Variants in DCTN1 observed in about 807,000 individuals in gnomAD.
DCTN1 encodes 150 kDa dynein-associated polypeptide.
In DCTN1, 61 loss-of-function variants were observed where a neutral mutation model predicts 161.2. The ratio of observed to expected loss-of-function variants is 0.38; its 90% confidence interval spans 0.31 to 0.47. The LOEUF (loss-of-function observed/expected upper bound fraction) is 0.47. Ranked by LOEUF, DCTN1 falls within the 20% of genes least tolerant of loss-of-function variation. The probability of loss-of-function intolerance (pLI) is 0.99; values close to 1 mark genes in which losing one functional copy is unlikely to be tolerated. For missense variants in DCTN1, 1,404 were observed against 1,623.7 expected (o/e 0.86, Z 2.33); for synonymous variants, 653 against 632.4 (o/e 1.03, Z -0.49).
chr2:74,363,988 G>C, intron 26 of DCTN1: 1 of 378,468 alleles, frequency 2.6e-6, no homozygotes, highest in Non-Finnish European at 5.0e-6. Context: ...ACCCCAATAT[G>C]TCTGCACCCT....
chr2:74,365,002 G>A (rs902152588), intron 26 of DCTN1, 73 bp downstream of exon 26: 2 of 1,601,084 alleles, frequency 1.2e-6, no homozygotes, highest in African/African-American at 2.7e-5. Flanking sequence ...TGGGGCAGAG[G>A]TCAAAATGAG....
intron 30 of DCTN1, 55 bp downstream of exon 30, chr2:74,362,595 C>G: frequency 6.3e-7 from 1 of 1,579,472 alleles, no homozygotes; most frequent in Non-Finnish European, 8.6e-7. Flanking sequence ...CCACAAGTGC[C>G]TGGCTCCACC....
At chr2:74,374,429 G>A (rs1209390116) in intron 5 of DCTN1, 89 bp from the exon 6 acceptor site, 14 of 1,596,792 alleles carry the variant, frequency 8.8e-6, no homozygotes, top group Middle Eastern at 1.7e-4. Context: ...AGGAAGGACA[G>A]ACGAAGGGAG....
At chr2:74,374,440 G>A in intron 5 of DCTN1, 100 bp from the exon 6 acceptor site, 4 of 1,588,750 alleles carry the variant, frequency 2.5e-6, no homozygotes, top group South Asian at 2.3e-5. Context: ...ACGAAGGGAG[G>A]GAGGGCAAGA....
intron 26 of DCTN1, chr2:74,363,995 C>T (rs1041777040): frequency 2.9e-6 from 1 of 340,494 alleles, no homozygotes; most frequent in South Asian, 3.3e-5. Context: ...TATGTCTGCA[C>T]CCTTAGTGCT....
At position 74,366,285 on chromosome 2, in the gene DCTN1, T is replaced by A; in HGVS notation, c.2719A>T (p.Met907Leu). The change falls in exon 23 of 32, where the codon ATG (methionine) becomes TTG (leucine). Residue 907 changes from methionine to leucine, a missense_variant. By Grantham distance (15) the Met-to-Leu change is conservative. Around this residue, in one of 9 missense-constraint regions of DCTN1, gnomAD observed 475 missense variants for 489.8 expected, o/e 0.97. Transcript: ENST00000628224. ...TCTGCATCATACTCCCCCTCCTGCA[T>A]GGCTGTGGCCAGCTTGTTCATGGTA... is the stretch of plus-strand genomic sequence containing the variant. ...ISTMNKLATA[M>L]QEGEYDAERP... The A allele has an allele frequency of 1.2e-6, 2 of 1,614,234 alleles. No homozygotes were observed. Among genetic ancestry groups the A allele is most frequent in the East Asian group, 2.2e-5 (1 of 44,882 alleles).
At position 74,366,769 on chromosome 2, in the gene DCTN1, T is replaced by C. The variant is rs998461578; in HGVS notation, c.2466+14A>G. On this transcript the variant is annotated intron_variant, in intron 21 of 31. Coordinates refer to ENST00000628224, the MANE Select transcript of DCTN1 (RefSeq NM_004082.5). The stretch of plus-strand genomic sequence containing the variant: ...TACTCAGTTTCCTTCCCTTCCCCAG[T>C]TGCAGCCTTAAACCTGTGGTCCAAA... 1 of 1,614,254 alleles carries C rather than the reference T, an allele frequency of 6.2e-7. No individual in the cohort carries two copies.
intron 1 of DCTN1, among the ~76,000 whole-genome samples, chr2:74,389,231 G>A (rs1236053205): frequency 6.6e-6 from 1 of 152,104 alleles, no homozygotes; most frequent in African/African-American, 2.4e-5. Flanking sequence ...AATCTCAAAA[G>A]GAAAATGATA....
intron 24 of DCTN1, 112 bp from the exon 25 acceptor site, chr2:74,365,769 G>A (rs1674360948): frequency 5.0e-6 from 8 of 1,610,284 alleles, no homozygotes; most frequent in Non-Finnish European, 6.8e-6. Context: ...AGCTCCCATT[G>A]ATTGCAGGCC....
chr2:74,378,264 CACAG>C lies in DCTN1; in HGVS notation c.34-23_34-20del, dbSNP rs755075827. On this transcript the variant is annotated intron_variant, in intron 1 of 31. Transcript: ENST00000628224. ...TGGGCGTCTGAAAGACACAGGTAAA[CACAG>C]ACAGTTAGAGGCCTCAGATCAAAGG... The C allele has an allele frequency of 5.6e-6, 9 of 1,603,080 alleles. No individual in the cohort carries two copies. The South Asian group carries it at 6.6e-5, about 12-fold the overall frequency.
chr2:74,381,844 G>C (rs554660015), upstream of DCTN1, among the ~76,000 whole-genome samples: 1 of 152,310 alleles, frequency 6.6e-6, no homozygotes, highest in East Asian at 1.9e-4. Flanking sequence ...AAAGCATCCA[G>C]GACACCGCCT....
upstream of DCTN1, among the ~76,000 whole-genome samples, chr2:74,381,837 G>A (rs1488314668): frequency 2.0e-5 from 3 of 152,320 alleles, no homozygotes. Flanking sequence ...TCCAAACAAA[G>A]CATCCAGGAC....
At chr2:74,373,501 A>T in intron 6 of DCTN1, 1 of 177,552 alleles carries the variant, frequency 5.6e-6, no homozygotes, top group Non-Finnish European at 1.2e-5. Context: ...CCCTCCCCCA[A>T]CCCCCTTCCC....
At chr2:74,388,332 T>C (rs373548223) in intron 1 of DCTN1, among the ~76,000 whole-genome samples, 13 of 152,174 alleles carry the variant, frequency 8.5e-5, no homozygotes, top group African/African-American at 3.1e-4. Context: ...TGTCTGTGAA[T>C]AGCCACTGCA....
Position 74,362,068 on chromosome 2 carries a change from G to A in DCTN1, c.3683C>T (p.Ser1228Leu). ...CCCCCTCACCCTGAGGAAGGCTGATGAAGGGAAGGTGGCAAAGTCAGTGGG... is the reference window on the plus strand; with the variant it reads ...CCCCCTCACCCTGAGGAAGGCTGATAAAGGGAAGGTGGCAAAGTCAGTGGG... ...TVPTDFATFP[S>L]SAFLRAKEEQ... Residue 1228 changes from serine to leucine, a missense_variant, in exon 31 of 32, where the codon TCA becomes TTA. By Grantham distance (145) the Ser-to-Leu change is moderately radical (BLOSUM62 -2). Transcript: ENST00000628224. 1 of 1,613,858 alleles carries A rather than the reference G, an allele frequency of 6.2e-7. No homozygotes were observed. Among genetic ancestry groups the A allele is most frequent in the East Asian group, 2.2e-5 (1 of 44,852 alleles).
chr2:74,362,440 A>C (rs532316383), intron 30 of DCTN1, among the ~76,000 whole-genome samples: 2 of 152,140 alleles, frequency 1.3e-5, no homozygotes, highest in Admixed American at 1.3e-4. Context: ...CAGTCACTCT[A>C]AAGATTACCC....
intron 1 of DCTN1, among the ~76,000 whole-genome samples, chr2:74,390,047 G>A (rs1675923414): frequency 1.3e-5 from 2 of 152,068 alleles, no homozygotes; most frequent in Non-Finnish European, 2.9e-5. Flanking sequence ...GGATTCAACA[G>A]ATGCAGTCCC....
intron 7 of DCTN1, chr2:74,371,994 TA>T (rs1476731964): frequency 4.4e-6 from 2 of 459,740 alleles, no homozygotes; most frequent in African/African-American, 4.0e-5. Flanking sequence ...GACATAAGAT[TA>T]TAAGGCTCCT....
chr2:74,363,532 A>G, intron 27 of DCTN1, 82 bp downstream of exon 27: 2 of 1,598,444 alleles, frequency 1.3e-6, no homozygotes, highest in South Asian at 2.3e-5. Flanking sequence ...ACCCATCTCC[A>G]GTCCTGGCTT....
Sources: gnomAD v4.1 joint callset for allele counts (sites outside exome capture counted in the v4.1 genomes callset) on GRCh38, gnomAD v4.1.1 for gene constraint, gnomAD v4.1.1 regional missense constraint, MANE v1.5 for transcripts, NCBI Gene and HGNC (gene_info 2026-07-23, HGNC 2026-07-21) for gene names.